LGR6: variants seen among roughly 807,000 people sequenced by gnomAD.
LGR6 encodes the protein leucine-rich repeat-containing G protein-coupled receptor 6.
In LGR6, 45 loss-of-function variants were observed where a neutral mutation model predicts 69.4. That is an observed-to-expected ratio of 0.65 (90% confidence interval 0.51 to 0.83). LGR6 has a LOEUF of 0.83. LGR6 is among the 40% of genes least tolerant of loss of function. LGR6 has a pLI of 0.00. For synonymous variants in LGR6, 538 were observed against 555.0 expected (o/e 0.97, Z 0.43); for missense variants, 1,108 against 1,246.7 (o/e 0.89, Z 1.68).
chr1:202,318,963 G>A lies in LGR6; in HGVS notation c.2660G>A (p.Arg887Gln), dbSNP rs151146799. 2.8e-4 allele frequency: 447 copies of A among 1,613,518 alleles called. No individual in the cohort carries two copies. The highest frequency in any genetic ancestry group is 1.5e-4 in the Admixed American group (9 of 59,962). Residue 887 changes from arginine (R) to glutamine (Q), a missense_variant, in exon 18 of 18, where the codon CGG becomes CAG. Physicochemically the swap from Arg to Gln is conservative, Grantham distance 43. Transcript: ENST00000367278. Reference protein sequence around the residue: ...DLILEASEAGRPPGLETYGFP... With the variant: ...DLILEASEAGQPPGLETYGFP... ...ATTCTGGAAGCTTCTGAAGCTGGGCGGCCCCCTGGGCTGGAGACCTATGGC... is the reference window on the plus strand; with the variant it reads ...ATTCTGGAAGCTTCTGAAGCTGGGCAGCCCCCTGGGCTGGAGACCTATGGC...
intron 1 of LGR6, among the ~76,000 whole-genome samples, chr1:202,223,873 C>T (rs1006467472): frequency 4.3e-5 from 6 of 140,070 alleles, no homozygotes; most frequent in Non-Finnish European, 4.7e-5. Context: ...CCTCTCCCAC[C>T]GGCCTGTGGG....
chr1:202,313,957 T>C (rs1653939590), intron 16 of LGR6, among the ~76,000 whole-genome samples: 1 of 152,168 alleles, frequency 6.6e-6, no homozygotes, highest in Non-Finnish European at 1.5e-5. Flanking sequence ...TGAGAGCAGG[T>C]CCATCTCTTA....
chr1:202,276,432 C>T lies in LGR6; in HGVS notation c.555C>T (p.Leu185=), dbSNP rs1665561870. The T allele has an allele frequency of 1.2e-6, 2 of 1,614,092 alleles. No individual in the cohort carries two copies. The highest frequency in any genetic ancestry group is 1.3e-5 in the African/African-American group (1 of 74,942). Residue 185 remains leucine (L), a synonymous_variant, in exon 5 of 18, where the codon CTC becomes CTT. Transcript: ENST00000367278. ...TEIPVRALNN[L]PALQAMTLAL... ...TCCCTGTCAGGGCCCTCAACAACCT[C>T]CCTGCCCTGCAGGCCATGACCCTGG...
intron 4 of LGR6, among the ~76,000 whole-genome samples, chr1:202,257,118 C>T (rs1663838404): frequency 6.6e-6 from 1 of 152,094 alleles, no homozygotes; most frequent in African/African-American, 2.4e-5. Context: ...AGTCCCTTAT[C>T]AGATATATGG....
chr1:202,228,716 A>G (rs1660765296), intron 3 of LGR6, among the ~76,000 whole-genome samples: 2 of 152,128 alleles, frequency 1.3e-5, no homozygotes, highest in South Asian at 4.1e-4. Flanking sequence ...GCTTATGATG[A>G]GTGAGGGCAA....
chr1:202,211,039 G>C (rs952549412), intron 1 of LGR6, among the ~76,000 whole-genome samples: 1 of 152,238 alleles, frequency 6.6e-6, no homozygotes, highest in African/African-American at 2.4e-5. Context: ...TGGGGCAGCA[G>C]TGGGAAGGAA....
chr1:202,316,652 G>A (rs1424748954), intron 17 of LGR6, among the ~76,000 whole-genome samples: 1 of 152,156 alleles, frequency 6.6e-6, no homozygotes, highest in Non-Finnish European at 1.5e-5. Flanking sequence ...TTATCTCTGA[G>A]AGGTGAAGTC....
At chr1:202,241,725 G>A (rs1476265645) in intron 4 of LGR6, among the ~76,000 whole-genome samples, 1 of 152,134 alleles carries the variant, frequency 6.6e-6, no homozygotes, top group African/African-American at 2.4e-5. Context: ...GGCTGCGCTG[G>A]TCTGGGTCCT....
At chr1:202,310,580 A>G (rs1427500633) in intron 16 of LGR6, among the ~76,000 whole-genome samples, 1 of 152,124 alleles carries the variant, frequency 6.6e-6, no homozygotes, top group African/African-American at 2.4e-5. Context: ...TAATGATGGT[A>G]ACAATGGCTG....
At chr1:202,264,884 C>T (rs1277348119) in intron 4 of LGR6, among the ~76,000 whole-genome samples, 1 of 152,176 alleles carries the variant, frequency 6.6e-6, no homozygotes, top group Non-Finnish European at 1.5e-5. Context: ...CTTGCACACC[C>T]ATCAATGCTC....
At chr1:202,265,547 A>C (rs1664578011) in intron 4 of LGR6, among the ~76,000 whole-genome samples, 1 of 152,178 alleles carries the variant, frequency 6.6e-6, no homozygotes, top group East Asian at 1.9e-4. Flanking sequence ...ATCGGTGAAC[A>C]CCTTCTTCTT....
At chr1:202,211,981 T>C (rs1659479152) in intron 1 of LGR6, among the ~76,000 whole-genome samples, 1 of 152,248 alleles carries the variant, frequency 6.6e-6, no homozygotes, top group African/African-American at 2.4e-5. Context: ...TTCACCCATG[T>C]TGTTGCTGGT....
chr1:202,318,426 T>A lies in LGR6; in HGVS notation c.2123T>A (p.Val708Glu). 1 of 1,610,966 alleles carries A rather than the reference T, an allele frequency of 6.2e-7. No individual in the cohort carries two copies. Among genetic ancestry groups the A allele is most frequent in the Non-Finnish European group, 8.5e-7 (1 of 1,178,672 alleles). ...GCCGCCGCGCTGCCCCTGGCCTCAG[T>A]GGGAGAATACGGGGCCTCCCCACTC... ...GLAAALPLASVGEYGASPLCL... is the reference protein window; with the variant it reads ...GLAAALPLASEGEYGASPLCL... Residue 708 changes from valine to glutamate, a missense_variant, in exon 18 of 18, where the codon GTG (valine) becomes GAG (glutamate). Physicochemically the swap from Val to Glu is moderately radical, Grantham distance 121. Transcript: ENST00000367278.
At chr1:202,313,995 C>T (rs189021435) in intron 16 of LGR6, among the ~76,000 whole-genome samples, 7 of 152,320 alleles carry the variant, frequency 4.6e-5, no homozygotes, top group Non-Finnish European at 8.8e-5. Context: ...TCTGCATTTG[C>T]CCAGTGCCAG....
At chr1:202,226,829 G>A (rs1423697640) in intron 2 of LGR6, among the ~76,000 whole-genome samples, 1 of 152,194 alleles carries the variant, frequency 6.6e-6, no homozygotes, top group African/African-American at 2.4e-5. Flanking sequence ...GGAGGAAGAA[G>A]ATTAAACCAG....
intron 1 of LGR6, among the ~76,000 whole-genome samples, chr1:202,217,292 A>G (rs1659849731): frequency 6.6e-6 from 1 of 152,028 alleles, no homozygotes; most frequent in Non-Finnish European, 1.5e-5. Flanking sequence ...CAAATCTAGC[A>G]TTTTTGAGAG....
At chr1:202,277,212 T>C (rs1434109459) in intron 5 of LGR6, among the ~76,000 whole-genome samples, 2 of 152,210 alleles carry the variant, frequency 1.3e-5, no homozygotes, top group Non-Finnish European at 2.9e-5. Flanking sequence ...CTTAGGAACA[T>C]GCATGTTAGT....
intron 12 of LGR6, 109 bp from the exon 13 acceptor site, chr1:202,306,744 GGCCCTTTCTTCCTGT>G: frequency 1.1e-6 from 1 of 880,466 alleles, no homozygotes; most frequent in Non-Finnish European, 1.9e-6. Flanking sequence ...CCTCGGGCTG[GGCCCTTTCTTCCTGT>G]GCCAGGAGAA....
At chr1:202,273,212 G>A (rs1036209771) in intron 4 of LGR6, among the ~76,000 whole-genome samples, 1 of 152,144 alleles carries the variant, frequency 6.6e-6, no homozygotes, top group African/African-American at 2.4e-5. Flanking sequence ...ATATGACAAG[G>A]ACTCAATAAA....
Sources: gnomAD v4.1 joint callset for allele counts (sites outside exome capture counted in the v4.1 genomes callset) on GRCh38, gnomAD v4.1.1 for gene constraint, MANE v1.5 for transcripts, NCBI Gene and HGNC (gene_info 2026-07-23, HGNC 2026-07-21) for gene names.